The following FBXL17 variants were observed in gnomAD, a reference collection of about 807,000 sequenced individuals.
FBXL17 encodes the protein F-box and leucine rich repeat protein 17.
In FBXL17, 22 loss-of-function variants were observed where a neutral mutation model predicts 66.2. The ratio of observed to expected loss-of-function variants is 0.33; its 90% CI spans 0.24 to 0.47. FBXL17 has a LOEUF of 0.47. FBXL17 is among the 20% of genes least tolerant of loss of function. The probability of loss-of-function intolerance (pLI) is 1.00; values close to 1 mark genes in which losing one functional copy is unlikely to be tolerated. For missense variants in FBXL17, 878 were observed against 948.2 expected, an observed-to-expected ratio of 0.93 and a Z score of 0.97; for synonymous variants, 474 against 400.5, an observed-to-expected ratio of 1.18 and a Z score of -2.19.
intron 7 of FBXL17, among the ~76,000 whole-genome samples, chr5:107,981,881 G>A (rs1192201856): frequency 3.9e-5 from 6 of 152,036 alleles, no homozygotes; most frequent in African/African-American, 1.2e-4. Flanking sequence ...CCTTCATTAC[G>A]ACTGAAAACA....
chr5:108,295,508 T>C (rs377186608), intron 4 of FBXL17, among the ~76,000 whole-genome samples: 71 of 152,058 alleles, frequency 4.7e-4, no homozygotes, highest in African/African-American at 1.7e-3. Context: ...ACCCAGACGG[T>C]CTGCTCCAGA....
At chr5:108,203,964 T>C (rs966632716) in intron 5 of FBXL17, among the ~76,000 whole-genome samples, 3 of 152,132 alleles carry the variant, frequency 2.0e-5, no homozygotes, top group Non-Finnish European at 2.9e-5. Context: ...TGTGCTTTTC[T>C]TGAAGTTCTT....
At chr5:107,874,219 G>C (rs1298313888) in intron 8 of FBXL17, among the ~76,000 whole-genome samples, 2 of 151,960 alleles carry the variant, frequency 1.3e-5, no homozygotes, top group African/African-American at 4.8e-5. Flanking sequence ...TGCTGCCTTA[G>C]TCTCAGGAGG....
intron 7 of FBXL17, among the ~76,000 whole-genome samples, chr5:107,948,872 C>A (rs1408901790): frequency 3.3e-5 from 5 of 152,192 alleles, no homozygotes; most frequent in Admixed American, 6.5e-5. Context: ...TGAGTGTTAA[C>A]TATTTGAAAA....
chr5:108,045,464 CAAT>C (rs70996977), intron 6 of FBXL17, among the ~76,000 whole-genome samples: 48,619 of 151,446 alleles, frequency 0.32, 9,240 homozygotes, highest in Admixed American at 0.42. Context: ...ATAATAATAA[CAAT>C]AATAATTTCT....
intron 6 of FBXL17, among the ~76,000 whole-genome samples, chr5:108,127,954 A>G (rs1750785813): frequency 6.6e-6 from 1 of 152,150 alleles, no homozygotes. Context: ...GTTAACTATT[A>G]AGAATCTCTC....
At chr5:108,030,545 T>C (rs1330742946) in intron 6 of FBXL17, among the ~76,000 whole-genome samples, 1 of 152,178 alleles carries the variant, frequency 6.6e-6, no homozygotes, top group Non-Finnish European at 1.5e-5. Flanking sequence ...GAACAGTGCA[T>C]CTCTTTGGCG....
chr5:108,258,737 A>ATTTTTTTTT (rs759401052), intron 4 of FBXL17, among the ~76,000 whole-genome samples: 24 of 122,860 alleles, frequency 2.0e-4, no homozygotes, highest in African/African-American at 7.0e-4. Context: ...GGCCTTTAAC[A>ATTTTTTTTT]TTTTTTTTTT....
At chr5:108,108,486 G>A (rs749264049) in intron 6 of FBXL17, among the ~76,000 whole-genome samples, 50 of 152,166 alleles carry the variant, frequency 3.3e-4, no homozygotes, top group Non-Finnish European at 6.5e-4. Context: ...TATCTAGCAC[G>A]TTTAAAGGTT....
At chr5:108,050,854 A>AAAATCAAATATATTTGATG (rs749371495) in intron 6 of FBXL17, among the ~76,000 whole-genome samples, 3,309 of 152,092 alleles carry the variant, frequency 0.022, 51 homozygotes, top group Middle Eastern at 0.048. Flanking sequence ...ATCAAACAGA[A>AAAATCAAATATATTTGATG]AAATCAAATA....
chr5:108,114,846 A>C (rs1338579797), intron 6 of FBXL17, among the ~76,000 whole-genome samples: 2 of 152,182 alleles, frequency 1.3e-5, no homozygotes, highest in Non-Finnish European at 2.9e-5. Flanking sequence ...ATTGCTCTCA[A>C]GCTGCTGGAT....
chr5:108,129,298 A>G (rs1750834061), intron 6 of FBXL17, among the ~76,000 whole-genome samples: 1 of 152,072 alleles, frequency 6.6e-6, no homozygotes, highest in African/African-American at 2.4e-5. Flanking sequence ...AAATCAATGC[A>G]ATGTATTCAC....
chr5:108,319,459 A>G (rs1459884722), intron 4 of FBXL17, among the ~76,000 whole-genome samples: 1 of 151,912 alleles, frequency 6.6e-6, no homozygotes, highest in African/African-American at 2.4e-5. Context: ...ATGCAAATGC[A>G]TTAACAAAAA....
intron 5 of FBXL17, among the ~76,000 whole-genome samples, chr5:108,214,343 A>G (rs1421802268): frequency 6.6e-6 from 1 of 150,386 alleles, no homozygotes; most frequent in African/African-American, 2.5e-5. Context: ...AGTGTAATTT[A>G]TTAATTAGTA....
At chr5:108,010,900 T>G (rs956108233) in intron 7 of FBXL17, among the ~76,000 whole-genome samples, 1 of 152,172 alleles carries the variant, frequency 6.6e-6, no homozygotes, top group African/African-American at 2.4e-5. Context: ...AACAATTACA[T>G]ACCATTCCTG....
chr5:108,013,055 G>A (rs1013752655), intron 7 of FBXL17, among the ~76,000 whole-genome samples: 3 of 148,682 alleles, frequency 2.0e-5, no homozygotes, highest in Non-Finnish European at 4.5e-5. Context: ...ATCTAAAGTG[G>A]AATATTAATA....
At chr5:108,101,366 C>T (rs1020657594) in intron 6 of FBXL17, among the ~76,000 whole-genome samples, 9 of 152,232 alleles carry the variant, frequency 5.9e-5, no homozygotes, top group African/African-American at 1.9e-4. Flanking sequence ...TGTGCCAGGA[C>T]ATTTAAGCCT....
chr5:108,131,818 G>A (rs1305753842), intron 6 of FBXL17, among the ~76,000 whole-genome samples: 1 of 151,820 alleles, frequency 6.6e-6, no homozygotes, highest in African/African-American at 2.4e-5. Context: ...AAATGTAAAG[G>A]CTAAATTTCA....
chr5:108,165,168 T>C (rs906758382), intron 6 of FBXL17, among the ~76,000 whole-genome samples: 1 of 152,218 alleles, frequency 6.6e-6, no homozygotes, highest in Non-Finnish European at 1.5e-5. Context: ...AAATACACTG[T>C]GCTAAAATCT....
Sources: allele counts gnomAD v4.1 joint callset (sites outside exome capture counted in the v4.1 genomes callset), GRCh38; gene constraint gnomAD v4.1.1; transcripts MANE v1.5; gene names NCBI Gene and HGNC (gene_info 2026-07-23, HGNC 2026-07-21).